The following KIF5C variants were observed in gnomAD, a reference collection of about 807,000 sequenced individuals.
KIF5C encodes kinesin family member 5C.
A neutral mutation model predicts 125.2 loss-of-function variants in KIF5C; 18 were observed. The observed-to-expected ratio is 0.14, with a 90% CI of 0.10 to 0.21. KIF5C has a LOEUF of 0.21. Among genes scored for constraint, KIF5C ranks in the 10% least tolerant of loss-of-function variants. The probability of loss-of-function intolerance (pLI) is 1.00; values close to 1 mark genes in which losing one functional copy is unlikely to be tolerated. For missense variants in KIF5C, 780 were observed against 1,183.8 expected, an observed-to-expected ratio of 0.66 and a Z score of 5.01; for synonymous variants, 405 against 434.0, an observed-to-expected ratio of 0.93 and a Z score of 0.83.
At chr2:148,949,373 C>T (rs183150705) in intron 8 of KIF5C, among the ~76,000 whole-genome samples, 4 of 152,254 alleles carry the variant, frequency 2.6e-5, no homozygotes, top group South Asian at 2.1e-4. Flanking sequence ...CCAACCCTAC[C>T]GCCTCTAGTC....
At chr2:148,922,111 T>G (rs751735498) in intron 1 of KIF5C, 26 bp from the exon 2 acceptor site, 1 of 1,519,628 alleles carries the variant, frequency 6.6e-7, no homozygotes, top group Non-Finnish European at 9.0e-7. Flanking sequence ...TTCCACCTTT[T>G]TCTTCCCTTT....
rs1681743856 is a variant in KIF5C at position 148,998,507 on chromosome 2, G to T, written c.2208G>T (p.Arg736=). The change falls in exon 19 of 26, where the codon CGG becomes CGT. Residue 736 remains arginine (R), a splice_region_variant and synonymous_variant. Transcript: ENST00000435030. The part of the protein sequence containing the change: ...EEKQKIIDEI[R]DLNQKLQLEQ... ...AGCAGAAAATCATTGATGAGATTCG[G>T]GAGTGAGTCGGCCCAGGGCACCAGG... 6.4e-7 allele frequency: 1 copy of T among 1,554,148 alleles called. No homozygotes were observed. Among genetic ancestry groups the T allele is most frequent in the Non-Finnish European group, 8.7e-7 (1 of 1,148,476 alleles).
Position 148,984,518 on chromosome 2 carries a change from A to G in KIF5C, c.1716+752A>G, listed in dbSNP as rs562598917. ...GAGGATTATGCCTCATGGTAGCAAAATAGCTGCTGTAGTACCAATCATCAC... is the reference window on the plus strand; with the variant it reads ...GAGGATTATGCCTCATGGTAGCAAAGTAGCTGCTGTAGTACCAATCATCAC... On this transcript the variant is annotated intron_variant, in intron 15 of 25. Transcript: ENST00000435030. 1.2e-4 allele frequency among the ~76,000 whole-genome samples: 19 copies of G among 152,200 alleles called. 1 individual carries two copies. The South Asian group carries it at 3.9e-3, about 32-fold the overall frequency.
At chr2:148,992,601 C>T (rs551301982) in intron 16 of KIF5C, among the ~76,000 whole-genome samples, 31 of 152,166 alleles carry the variant, frequency 2.0e-4, no homozygotes, top group Admixed American at 1.0e-3. Flanking sequence ...ATGTAAAAAC[C>T]TAGCCATTGG....
intron 13 of KIF5C, among the ~76,000 whole-genome samples, chr2:148,981,067 A>G (rs965856264): frequency 2.6e-5 from 4 of 152,158 alleles, no homozygotes; most frequent in Non-Finnish European, 4.4e-5. Flanking sequence ...TTGATGTGTA[A>G]TTCTTTCTTT....
At position 148,875,569 on chromosome 2, in the gene KIF5C, G is replaced by GGC; in HGVS notation, c.-49_-48insGC. On this transcript the variant is annotated 5_prime_UTR_variant, in exon 1 of 26. Coordinates refer to ENST00000435030, the MANE Select transcript of KIF5C (RefSeq NM_004522.3). ...GCGGCCTCCTCCCTCGTCGTTCCCG[G>GGC]CCCCGGCCCCCCACCCATCCCCGTG... 2 of 689,860 alleles carry GGC rather than the reference G, an allele frequency of 2.9e-6. No homozygotes were observed. The highest frequency in any genetic ancestry group is 5.3e-6 in the Non-Finnish European group (2 of 380,192). The allele number at this position is 689,860 out of a possible 1,614,324, so 42.7% of individuals were successfully genotyped here.
chr2:148,984,766 T>G (rs1681331706), intron 15 of KIF5C, among the ~76,000 whole-genome samples: 1 of 152,138 alleles, frequency 6.6e-6, no homozygotes, highest in Non-Finnish European at 1.5e-5. Flanking sequence ...TTGTACATAT[T>G]GGTGCTCTTG....
rs546777582 is a variant in KIF5C, at chr2:148,907,684, G to A, written c.127-14453G>A. The stretch of plus-strand genomic sequence containing the variant: ...GCATCAGGGGAAGAGTGGGAAGGAG[G>A]AGGTGAGGCGAGAGCATGTCTGAGT... On this transcript the variant is annotated intron_variant, in intron 1 of 25. Coordinates refer to ENST00000435030, the MANE Select transcript of KIF5C (RefSeq NM_004522.3). Among the ~76,000 whole-genome samples, 15 of 152,312 alleles carry A rather than the reference G, an allele frequency of 9.8e-5. No individual in the cohort carries two copies. The South Asian group carries it at 2.1e-3, about 21-fold the overall frequency.
At chr2:148,999,437 G>T (rs544375478) in intron 19 of KIF5C, among the ~76,000 whole-genome samples, 1 of 152,164 alleles carries the variant, frequency 6.6e-6, no homozygotes, top group Non-Finnish European at 1.5e-5. Context: ...TGTGTGAGCC[G>T]CTCGAAAGGT....
At chr2:148,980,561 G>C (rs1681203243) in intron 13 of KIF5C, among the ~76,000 whole-genome samples, 2 of 151,962 alleles carry the variant, frequency 1.3e-5, no homozygotes, top group Admixed American at 1.3e-4. Context: ...GTTGTATACT[G>C]TTTTAGTTGA....
At chr2:148,891,921 C>T (rs1393828455) in intron 1 of KIF5C, among the ~76,000 whole-genome samples, 3 of 152,210 alleles carry the variant, frequency 2.0e-5, no homozygotes, top group Admixed American at 6.5e-5. Flanking sequence ...TGGTCTCAAA[C>T]TCCTGATCTC....
chr2:149,014,155 G>T (rs1447527314), intron 25 of KIF5C, among the ~76,000 whole-genome samples: 1 of 152,180 alleles, frequency 6.6e-6, no homozygotes, highest in East Asian at 1.9e-4. Flanking sequence ...CTCCCGAGTA[G>T]CTGGGATTAC....
chr2:148,918,606 A>C (rs1265043062), intron 1 of KIF5C, among the ~76,000 whole-genome samples: 1 of 152,322 alleles, frequency 6.6e-6, no homozygotes, highest in Middle Eastern at 3.4e-3. Flanking sequence ...AGATAATTCT[A>C]AGGGAAAGGA....
chr2:148,893,943 A>G (rs1467775982), intron 1 of KIF5C, among the ~76,000 whole-genome samples: 3 of 152,186 alleles, frequency 2.0e-5, no homozygotes, highest in Non-Finnish European at 4.4e-5. Flanking sequence ...AGCACAATTC[A>G]TTTATCTTAC....
At chr2:148,902,234 T>C (rs1169908322) in intron 1 of KIF5C, among the ~76,000 whole-genome samples, 2 of 152,236 alleles carry the variant, frequency 1.3e-5, no homozygotes, top group Non-Finnish European at 2.9e-5. Flanking sequence ...GATTCTCTCT[T>C]CTGTGGTTCC....
chr2:148,878,154 A>T (rs534144795), intron 1 of KIF5C: 1 of 152,334 alleles, frequency 6.6e-6, no homozygotes, highest in Admixed American at 6.5e-5. Context: ...CTTTTCATAA[A>T]GTAAATGCTC....
chr2:148,992,820 A>G (rs967463071), intron 16 of KIF5C, among the ~76,000 whole-genome samples: 8 of 152,250 alleles, frequency 5.3e-5, no homozygotes, highest in Non-Finnish European at 1.5e-5. Flanking sequence ...TAAAATAAAA[A>G]TGATATGCAT....
intron 25 of KIF5C, among the ~76,000 whole-genome samples, chr2:149,015,507 G>A (rs1311415850): frequency 6.6e-6 from 1 of 152,160 alleles, no homozygotes; most frequent in Non-Finnish European, 1.5e-5. Context: ...TATTCTTACA[G>A]CTGGATATCT....
chr2:148,986,243 T>G (rs1681378953), intron 15 of KIF5C, among the ~76,000 whole-genome samples: 1 of 152,236 alleles, frequency 6.6e-6, no homozygotes, highest in Non-Finnish European at 1.5e-5. Flanking sequence ...ATCTGAACTA[T>G]GATTGAGATT....
Sources: gnomAD v4.1 joint callset for allele counts (sites outside exome capture counted in the v4.1 genomes callset) on GRCh38, gnomAD v4.1.1 for gene constraint, MANE v1.5 for transcripts, NCBI Gene and HGNC (gene_info 2026-07-23, HGNC 2026-07-21) for gene names.